Variants in TLL1 observed in about 807,000 individuals in gnomAD.
TLL1 encodes tolloid like 1.
Under a neutral mutation model 128.2 loss-of-function variants are expected in TLL1, and 49 were observed. The observed-to-expected ratio is 0.38, with a 90% CI of 0.30 to 0.48. The LOEUF (loss-of-function observed/expected upper bound fraction) is 0.48. Ranked by LOEUF, TLL1 falls within the 20% of genes least tolerant of loss-of-function variation. The probability of loss-of-function intolerance (pLI) is 0.96; values close to 1 mark genes in which losing one functional copy is unlikely to be tolerated. For synonymous variants in TLL1, 454 were observed against 418.8 expected (o/e 1.08, Z -1.03); for missense variants, 1,123 against 1,242.0 (o/e 0.90, Z 1.44).
intron 1 of TLL1, among the ~76,000 whole-genome samples, chr4:165,989,150 T>C (rs1736520398): frequency 6.6e-6 from 1 of 152,086 alleles, no homozygotes; most frequent in Non-Finnish European, 1.5e-5. Context: ...AGGAAACTAC[T>C]TTCCCCCTCT....
intron 1 of TLL1, among the ~76,000 whole-genome samples, chr4:165,940,426 A>T (rs72972214): frequency 6.6e-6 from 1 of 151,968 alleles, no homozygotes; most frequent in Non-Finnish European, 1.5e-5. Context: ...TGTAAATTTC[A>T]TAAAACTGAT....
At chr4:165,897,959 G>T (rs984792307) in intron 1 of TLL1, among the ~76,000 whole-genome samples, 1 of 152,076 alleles carries the variant, frequency 6.6e-6, no homozygotes, top group Non-Finnish European at 1.5e-5. Flanking sequence ...GTTGTAAGTT[G>T]TATTCCTAGA....
At chr4:165,934,204 G>A (rs1379200617) in intron 1 of TLL1, among the ~76,000 whole-genome samples, 4 of 141,096 alleles carry the variant, frequency 2.8e-5, no homozygotes, top group South Asian at 2.3e-4. Flanking sequence ...TAGTAGGGAC[G>A]GGGTTTCACC....
chr4:165,988,326 C>T (rs773326772), intron 1 of TLL1, among the ~76,000 whole-genome samples: 6 of 152,052 alleles, frequency 3.9e-5, no homozygotes, highest in Admixed American at 6.6e-5. Flanking sequence ...AAGATAGAGT[C>T]AGACTGAGAG....
chr4:166,097,620 C>T (rs944694673), intron 19 of TLL1, among the ~76,000 whole-genome samples: 15 of 152,044 alleles, frequency 9.9e-5, no homozygotes, highest in African/African-American at 2.7e-4. Flanking sequence ...GGTTCCATAC[C>T]CGTAATTCAG....
intron 18 of TLL1, among the ~76,000 whole-genome samples, chr4:166,079,309 A>G (rs1741180822): frequency 6.6e-6 from 1 of 152,190 alleles, no homozygotes; most frequent in Non-Finnish European, 1.5e-5. Context: ...CTTTGTCTCA[A>G]TCCAAATTTT....
At chr4:166,006,996 T>C (rs1193356387) in intron 6 of TLL1, among the ~76,000 whole-genome samples, 2 of 151,754 alleles carry the variant, frequency 1.3e-5, no homozygotes, top group African/African-American at 2.4e-5. Context: ...AATGGCATAA[T>C]AGTTCCATTT....
intron 1 of TLL1, among the ~76,000 whole-genome samples, chr4:165,933,717 G>T (rs1209564204): frequency 1.3e-5 from 2 of 151,974 alleles, no homozygotes; most frequent in Admixed American, 6.6e-5. Flanking sequence ...TTTTTATTCT[G>T]ACAGGACCAC....
intron 1 of TLL1, among the ~76,000 whole-genome samples, chr4:165,929,970 C>T (rs545784403): frequency 1.1e-4 from 16 of 152,000 alleles, no homozygotes; most frequent in African/African-American, 3.6e-4. Flanking sequence ...TTTTTTCCCA[C>T]CAGAAACTAA....
chr4:166,031,309 G>A (rs570776354), intron 9 of TLL1, among the ~76,000 whole-genome samples: 36 of 146,554 alleles, frequency 2.5e-4, no homozygotes, highest in Non-Finnish European at 4.2e-4. Context: ...ATATAAATAA[G>A]TTAAATCAAG....
intron 9 of TLL1, among the ~76,000 whole-genome samples, chr4:166,038,862 T>C (rs1252203867): frequency 1.3e-5 from 2 of 152,194 alleles, no homozygotes; most frequent in Non-Finnish European, 2.9e-5. Flanking sequence ...TATTATATGT[T>C]CTGGGAAAGT....
intron 17 of TLL1, among the ~76,000 whole-genome samples, chr4:166,076,380 T>C (rs1283850378): frequency 2.6e-5 from 4 of 152,192 alleles, no homozygotes; most frequent in African/African-American, 9.6e-5. Flanking sequence ...GCCCAGGTTT[T>C]TATTTTTTGT....
intron 1 of TLL1, among the ~76,000 whole-genome samples, chr4:165,926,535 G>A (rs1030149553): frequency 4.6e-5 from 7 of 152,172 alleles, no homozygotes; most frequent in African/African-American, 1.7e-4. Flanking sequence ...TCTGTCTCAG[G>A]AAGCAGAAGG....
At chr4:166,051,316 T>C (rs1233109231) in intron 12 of TLL1, among the ~76,000 whole-genome samples, 1 of 140,218 alleles carries the variant, frequency 7.1e-6, no homozygotes, top group African/African-American at 2.6e-5. Flanking sequence ...CCTTCCTTCC[T>C]TCCTTCCTTC....
intron 1 of TLL1, among the ~76,000 whole-genome samples, chr4:165,944,517 T>C (rs1459033494): frequency 6.6e-6 from 1 of 152,114 alleles, no homozygotes; most frequent in Non-Finnish European, 1.5e-5. Flanking sequence ...TATCAGGGAC[T>C]TAAGGCCATA....
rs1403797627 is a variant in TLL1, at chr4:165,922,879, A to T, written c.169+48806A>T. On this transcript the variant is annotated intron_variant, in intron 1 of 20. Transcript: ENST00000061240. The stretch of plus-strand genomic sequence containing the variant: ...GTTACTATCTGGTAGCCAGCACAGG[A>T]TTTGTGAAAATCAGTCTCTGATTCC... Among the ~76,000 whole-genome samples the T allele has an allele frequency of 2.0e-5, 3 of 152,202 alleles. No individual in the cohort carries two copies. The East Asian group carries it at 5.8e-4, about 29-fold the overall frequency.
At chr4:165,903,383 A>C (rs180781430) in intron 1 of TLL1, among the ~76,000 whole-genome samples, 7 of 148,442 alleles carry the variant, frequency 4.7e-5, no homozygotes, top group Admixed American at 2.0e-4. Context: ...TATACTAAAA[A>C]TTTTTCTAAA....
chr4:165,987,080 G>T (rs1736423846), intron 1 of TLL1, among the ~76,000 whole-genome samples: 1 of 152,110 alleles, frequency 6.6e-6, no homozygotes, highest in East Asian at 1.9e-4. Flanking sequence ...ATCAGAGTCT[G>T]CACTTTGGCC....
intron 8 of TLL1, among the ~76,000 whole-genome samples, chr4:166,020,730 A>G (rs992038607): frequency 1.3e-5 from 2 of 152,198 alleles, no homozygotes; most frequent in African/African-American, 2.4e-5. Context: ...TATTTAGACC[A>G]ACTATTGTCC....
Sources: allele counts gnomAD v4.1 joint callset (sites outside exome capture counted in the v4.1 genomes callset), GRCh38; gene constraint gnomAD v4.1.1; transcripts MANE v1.5; gene names NCBI Gene and HGNC (gene_info 2026-07-23, HGNC 2026-07-21).